MAP3K13: variants seen among roughly 807,000 people sequenced by gnomAD.
MAP3K13 encodes leucine zipper-bearing kinase.
MAP3K13 carries 52 observed loss-of-function variants against 104.0 expected under a neutral mutation model. The ratio of observed to expected loss-of-function variants is 0.50; its 90% CI spans 0.40 to 0.63. The LOEUF is 0.63. Among genes scored for constraint, MAP3K13 ranks in the 20% least tolerant of loss-of-function variants. The pLI, the probability that MAP3K13 is intolerant of heterozygous loss-of-function variation, is 0.00. For missense variants in MAP3K13, 914 were observed against 1,218.5 expected, an observed-to-expected ratio of 0.75 and a Z score of 3.72; for synonymous variants, 394 against 442.2, an observed-to-expected ratio of 0.89 and a Z score of 1.37.
chr3:185,444,239 G>A (rs1453745069), intron 4 of MAP3K13, among the ~76,000 whole-genome samples: 2 of 152,046 alleles, frequency 1.3e-5, no homozygotes, highest in Admixed American at 6.5e-5. Flanking sequence ...GGGAGGCTGA[G>A]GCAGAAGAAT....
intron 2 of MAP3K13, among the ~76,000 whole-genome samples, chr3:185,321,043 T>C (rs1395221791): frequency 1.1e-4 from 6 of 56,942 alleles, no homozygotes; most frequent in African/African-American, 2.7e-4. Context: ...ATTATATGCG[T>C]GCACACATAT....
chr3:185,441,766 G>A (rs1244676121), intron 3 of MAP3K13, among the ~76,000 whole-genome samples: 1 of 151,966 alleles, frequency 6.6e-6, no homozygotes, highest in Non-Finnish European at 1.5e-5. Flanking sequence ...TGGTGGCCAG[G>A]AGCGGTGGCT....
rs899571185 is a variant in MAP3K13, at chr3:185,485,610, G to A, written c.*3154G>A. 5 of 151,976 alleles carry A rather than the reference G, an allele frequency of 3.3e-5. No homozygotes were observed. Among genetic ancestry groups the A allele is most frequent in the African/African-American group, 7.3e-5 (3 of 41,362 alleles). 9.4% of individuals were successfully genotyped at this position (151,976 alleles called of 1,614,324 possible). A position where few individuals can be genotyped will look rare whatever the true frequency, so the allele number is the denominator to read the frequency against. On this transcript the variant is annotated 3_prime_UTR_variant, in exon 14 of 14. Coordinates refer to ENST00000265026, the MANE Select transcript of MAP3K13 (RefSeq NM_004721.5). The stretch of plus-strand genomic sequence containing the variant: ...AGATCGACTGTCTCGGTTATCAGAT[G>A]ACTGTATCGCAGTGCTTGTGTTCAA...
intron 4 of MAP3K13, among the ~76,000 whole-genome samples, chr3:185,443,870 T>C (rs1179704453): frequency 6.6e-6 from 1 of 152,216 alleles, no homozygotes; most frequent in Non-Finnish European, 1.5e-5. Context: ...TTTTAAATCA[T>C]ACAACTGTGA....
intron 2 of MAP3K13, among the ~76,000 whole-genome samples, chr3:185,316,469 C>A (rs898061938): frequency 6.6e-6 from 1 of 152,088 alleles, no homozygotes; most frequent in East Asian, 1.9e-4. Flanking sequence ...GGCGAAACCC[C>A]GTCTCTACAA....
At chr3:185,465,461 GTATTCT>G (rs545820483) in intron 8 of MAP3K13, among the ~76,000 whole-genome samples, 143 of 152,300 alleles carry the variant, frequency 9.4e-4, no homozygotes, top group African/African-American at 3.3e-3. Flanking sequence ...CTATTCTACT[GTATTCT>G]TATTAAGATA....
chr3:185,362,930 A>ACACAC (rs1723690339), upstream of MAP3K13: 2 of 132,202 alleles, frequency 1.5e-5, no homozygotes, highest in Non-Finnish European at 3.0e-5. Context: ...CACAGCTTGA[A>ACACAC]ACACACACAC....
rs1718803250 is a variant in MAP3K13 at position 185,488,032 on chromosome 3, C to G, written c.*5576C>G. 1 of 152,176 alleles carries G rather than the reference C, an allele frequency of 6.6e-6. No individual in the cohort carries two copies. The highest frequency in any genetic ancestry group is 1.5e-5 in the Non-Finnish European group (1 of 68,024). 9.4% of individuals were successfully genotyped at this position (152,176 alleles called of 1,614,324 possible). A position where few individuals can be genotyped will look rare whatever the true frequency, so the allele number is the denominator to read the frequency against. On this transcript the variant is annotated 3_prime_UTR_variant, in exon 14 of 14. Coordinates refer to ENST00000265026, the MANE Select transcript of MAP3K13 (RefSeq NM_004721.5). ...ACAACAATTCCAATTGAAGGAACAC[C>G]AATCACTGATGGATCCCATTCCAAA...
At chr3:185,374,936 G>A (rs1321098044) in intron 1 of MAP3K13, among the ~76,000 whole-genome samples, 2 of 152,138 alleles carry the variant, frequency 1.3e-5, no homozygotes, top group African/African-American at 4.8e-5. Context: ...ATAAGAGTAA[G>A]CATAAAAGTA....
At chr3:185,467,065 C>A in intron 10 of MAP3K13, 102 bp downstream of exon 10, 1 of 1,325,204 alleles carries the variant, frequency 7.5e-7, no homozygotes, top group Non-Finnish European at 1.1e-6. Flanking sequence ...TTTAGCTCAT[C>A]AGATGACTGT....
Position 185,450,035 on chromosome 3 carries a change from C to A in MAP3K13, c.1146C>A (p.Phe382Leu). ...LPVPSTCPDG[F>L]KILMKQTWQS... ...TTCCTTCCACTTGCCCTGATGGATTCAAAATCCTTATGAAACAGACGTGGT... is the reference window on the plus strand; with the variant it reads ...TTCCTTCCACTTGCCCTGATGGATTAAAAATCCTTATGAAACAGACGTGGT... Residue 382 changes from phenylalanine to leucine, a missense_variant, in exon 6 of 14, where the codon TTC (phenylalanine) becomes TTA (leucine). By Grantham distance (22) the Phe-to-Leu change is conservative. This residue lies in a region of MAP3K13 where 175 missense variants were observed against 321.3 expected (regional missense o/e 0.54). Transcript: ENST00000265026. The surrounding 1 kb of genome is among the most constrained non-coding windows in gnomAD (Gnocchi z 4.2). The A allele has an allele frequency of 6.2e-7, 1 of 1,611,922 alleles. No individual in the cohort carries two copies. The highest frequency in any genetic ancestry group is 8.5e-7 in the Non-Finnish European group (1 of 1,179,244).
chr3:185,402,149 G>A (rs1176441658), intron 1 of MAP3K13, among the ~76,000 whole-genome samples: 1 of 152,100 alleles, frequency 6.6e-6, no homozygotes, highest in Admixed American at 6.6e-5. Flanking sequence ...GGGTGGACAG[G>A]TGCTCTTAAA....
intron 1 of MAP3K13, among the ~76,000 whole-genome samples, chr3:185,426,371 C>T (rs1714420067): frequency 6.6e-6 from 1 of 152,130 alleles, no homozygotes. Flanking sequence ...TGAGCTACCA[C>T]GCCAGCCAAG....
intron 2 of MAP3K13, among the ~76,000 whole-genome samples, chr3:185,334,298 G>A (rs559566704): frequency 3.3e-5 from 5 of 152,248 alleles, no homozygotes; most frequent in African/African-American, 7.2e-5. Flanking sequence ...CAATATTGAC[G>A]AAATTGACAA....
At chr3:185,331,142 G>A (rs1722258674) in intron 2 of MAP3K13, among the ~76,000 whole-genome samples, 1 of 136,588 alleles carries the variant, frequency 7.3e-6, no homozygotes, top group South Asian at 2.3e-4. Context: ...TGCCCAGGCT[G>A]GAGTGCAATG....
At position 185,471,851 on chromosome 3, in the gene MAP3K13, T is replaced by C. The variant is rs963536193; in HGVS notation, c.1644-1124T>C. On this transcript the variant is annotated intron_variant, in intron 10 of 13. Coordinates refer to ENST00000265026, the MANE Select transcript of MAP3K13 (RefSeq NM_004721.5). Reference sequence around the variant, plus strand: ...TTGTGCTTTGTCTTCAGGATCATACTGGTAGAGCTGTGTTTCATCTCCTGT... The same window carrying C: ...TTGTGCTTTGTCTTCAGGATCATACCGGTAGAGCTGTGTTTCATCTCCTGT... Among the ~76,000 whole-genome samples the C allele has an allele frequency of 4.6e-5, 7 of 152,326 alleles. No individual in the cohort carries two copies. The East Asian group carries it at 7.7e-4, about 17-fold the overall frequency.
intron 2 of MAP3K13, among the ~76,000 whole-genome samples, chr3:185,303,871 A>G (rs1000235916): frequency 6.6e-6 from 1 of 151,182 alleles, no homozygotes; most frequent in Non-Finnish European, 1.5e-5. Flanking sequence ...TACTGGGTTT[A>G]GTTTATAATT....
At chr3:185,356,380 G>T (rs1276753845) in intron 2 of MAP3K13, among the ~76,000 whole-genome samples, 1 of 152,222 alleles carries the variant, frequency 6.6e-6, no homozygotes, top group Non-Finnish European at 1.5e-5. Flanking sequence ...TTGTTTGTTT[G>T]TGTGTTTTTT....
At chr3:185,399,631 G>C (rs9790125) in intron 1 of MAP3K13, among the ~76,000 whole-genome samples, 99 of 2,260 alleles carry the variant, frequency 0.044, 20 homozygotes, top group South Asian at 0.2. Context: ...AAAGGCGGGG[G>C]GGGGGGGGGA....
Sources: allele counts gnomAD v4.1 joint callset (sites outside exome capture counted in the v4.1 genomes callset), GRCh38; gene constraint gnomAD v4.1.1; regional missense constraint gnomAD v4.1.1; non-coding constraint Gnocchi (gnomAD v3.1); transcripts MANE v1.5; gene names NCBI Gene and HGNC (gene_info 2026-07-23, HGNC 2026-07-21).